Variants in MYEF2 observed in about 807,000 individuals in gnomAD.
MYEF2 encodes myelin gene expression factor 2.
In MYEF2, 37 loss-of-function variants were observed where a neutral mutation model predicts 75.2. The ratio of observed to expected loss-of-function variants is 0.49; its 90% CI spans 0.38 to 0.65. The LOEUF (loss-of-function observed/expected upper bound fraction) is 0.65. Among genes scored for constraint, MYEF2 ranks in the 30% least tolerant of loss-of-function variants. The pLI is 0.00. For synonymous variants in MYEF2, 195 were observed against 241.6 expected (o/e 0.81, Z 1.79); for missense variants, 634 against 771.4 (o/e 0.82, Z 2.11).
chr15:48,140,721 T>G lies in MYEF2; in HGVS notation c.*2187A>C, dbSNP rs925094391. 4 of 180,716 alleles carry G rather than the reference T, an allele frequency of 2.2e-5. No individual in the cohort carries two copies. Among genetic ancestry groups the G allele is most frequent in the African/African-American group, 9.6e-5 (4 of 41,740 alleles). The allele number at this position is 180,716 out of a possible 1,614,324, so 11.2% of individuals were successfully genotyped here. A position where few individuals can be genotyped will look rare whatever the true frequency, so the allele number is the denominator to read the frequency against. ...ATTTATAGCTTAAAGATAGCTATAA[T>G]TAATTTGCTTAACTCTGACTAATAT... is the stretch of plus-strand genomic sequence containing the variant. On this transcript the variant is annotated 3_prime_UTR_variant, in exon 17 of 17. Transcript: ENST00000324324.
chr15:48,162,064 C>T lies in MYEF2; in HGVS notation c.526-2260G>A, dbSNP rs148439320. Reference sequence around the variant, plus strand: ...TTTTCTCTGCTAATTCTATACATTCCTGTTAATAACTTTTTTAATAATAAA... The same window carrying T: ...TTTTCTCTGCTAATTCTATACATTCTTGTTAATAACTTTTTTAATAATAAA... On this transcript the variant is annotated intron_variant, in intron 5 of 16. Transcript: ENST00000324324. 2.4e-3 allele frequency among the ~76,000 whole-genome samples: 358 copies of T among 151,708 alleles called. 2 individuals carry two copies. The highest frequency in any genetic ancestry group is 3.9e-3 in the Non-Finnish European group (265 of 67,894).
At chr15:48,144,864 T>G (rs2039221077) in intron 16 of MYEF2, among the ~76,000 whole-genome samples, 4 of 151,844 alleles carry the variant, frequency 2.6e-5, no homozygotes, top group African/African-American at 7.2e-5. Flanking sequence ...TTATCTTAAT[T>G]TTACCTAAAA....
At position 48,153,880 on chromosome 15, in the gene MYEF2, G is replaced by A. The variant is rs1270397776; in HGVS notation, c.999C>T (p.Gly333=). The A allele has an allele frequency of 6.2e-7, 1 of 1,612,654 alleles. No individual in the cohort carries two copies. Among genetic ancestry groups the A allele is most frequent in the Non-Finnish European group, 8.5e-7 (1 of 1,179,270 alleles). Residue 333 remains glycine (G), a synonymous_variant, in exon 10 of 17, where the codon GGC becomes GGT. Coordinates refer to ENST00000324324, the MANE Select transcript of MYEF2 (RefSeq NM_016132.5). ...KTPQLPRGLG[G]IGMGLGPGGQ... ...CACCCGGACCAAGTCCCATCCCAATGCCTCCAAGACCACCTAAAACAAAAA... is the reference window on the plus strand; with the variant it reads ...CACCCGGACCAAGTCCCATCCCAATACCTCCAAGACCACCTAAAACAAAAA...
Position 48,149,222 on chromosome 15 carries a change from T to A in MYEF2, c.1528A>T (p.Met510Leu), listed in dbSNP as rs758505894. The A allele has an allele frequency of 4.3e-6, 7 of 1,613,384 alleles. No homozygotes were observed. The highest frequency in any genetic ancestry group is 2.7e-5 in the African/African-American group (2 of 74,870). ...DMDRGFLSGP[M>L]GSGMRERIGS... is the part of the protein sequence containing the mutation. ...ATTCTCTCTCTCATTCCGCTTCCCA[T>A]TGGACCCGATAAAAATCCTCGATCC... is the stretch of plus-strand genomic sequence containing the variant. The change falls in exon 15 of 17, where the codon ATG becomes TTG. Residue 510 changes from methionine to leucine, a missense_variant. Coordinates refer to ENST00000324324, the MANE Select transcript of MYEF2 (RefSeq NM_016132.5). This position sits in a 1 kb window ranked among gnomAD's most constrained non-coding sequence, Gnocchi z 4.0.
chr15:48,145,323 GATAA>G (rs1337312959), intron 16 of MYEF2, among the ~76,000 whole-genome samples: 4 of 151,748 alleles, frequency 2.6e-5, no homozygotes, highest in Non-Finnish European at 5.9e-5. Context: ...CTTTTCTAAA[GATAA>G]ATAATTGAGG....
At chr15:48,178,027 A>G (rs1221904414) in intron 1 of MYEF2, 50 bp downstream of exon 1, 14 of 1,550,030 alleles carry the variant, frequency 9.0e-6, no homozygotes, top group East Asian at 2.5e-5. Flanking sequence ...GCCGCCCGGT[A>G]GACTCCCCGC....
chr15:48,168,877 A>G, intron 1 of MYEF2, 38 bp from the exon 2 acceptor site: 1 of 1,465,216 alleles, frequency 6.8e-7, no homozygotes, highest in Non-Finnish European at 9.4e-7. Context: ...AAAAACCCTC[A>G]GTTGTGCTTA....
chr15:48,158,357 C>T, intron 7 of MYEF2, 133 bp from the exon 8 acceptor site: 2 of 746,168 alleles, frequency 2.7e-6, no homozygotes, highest in South Asian at 2.0e-5. Flanking sequence ...TTGATATTAG[C>T]CACTTTCATA....
intron 5 of MYEF2, 141 bp from the exon 6 acceptor site, chr15:48,159,945 C>T (rs943458872): frequency 1.2e-6 from 1 of 830,826 alleles, no homozygotes; most frequent in Admixed American, 3.4e-5. Context: ...TTTTCTCATC[C>T]AGAGAATTGA....
chr15:48,134,818 A>G lies in MYEF2; in HGVS notation c.*8090T>C. 4 of 1,204,994 alleles carry G rather than the reference A, an allele frequency of 3.3e-6. No individual in the cohort carries two copies. The South Asian group carries it at 4.1e-5, about 12-fold the overall frequency. 74.6% of individuals were successfully genotyped at this position (1,204,994 alleles called of 1,614,324 possible). ...CTACAAATATATAAACAATTTTAGTATTATACTAAGGATTGTACTTGAAGA... is the reference window on the plus strand; with the variant it reads ...CTACAAATATATAAACAATTTTAGTGTTATACTAAGGATTGTACTTGAAGA... On this transcript the variant is annotated 3_prime_UTR_variant, in exon 17 of 17. Transcript: ENST00000324324.
In MYEF2 at chr15:48,141,815, T is replaced by C. The variant is rs2039100041; in HGVS notation, c.*1093A>G. ...AGCTATATACCTTATTGAAAAATGGTTTAATAAATATAATTATTAAATAAA... is the reference window on the plus strand; with the variant it reads ...AGCTATATACCTTATTGAAAAATGGCTTAATAAATATAATTATTAAATAAA... On this transcript the variant is annotated 3_prime_UTR_variant, in exon 17 of 17. Coordinates refer to ENST00000324324, the MANE Select transcript of MYEF2 (RefSeq NM_016132.5). 3.0e-6 allele frequency: 1 copy of C among 337,658 alleles called. No homozygotes were observed. Among genetic ancestry groups the C allele is most frequent in the Non-Finnish European group, 5.3e-6 (1 of 188,636 alleles). 20.9% of individuals were successfully genotyped at this position (337,658 alleles called of 1,614,324 possible).
chr15:48,174,280 T>G (rs1213403501), intron 1 of MYEF2, among the ~76,000 whole-genome samples: 2 of 151,758 alleles, frequency 1.3e-5, no homozygotes, highest in Admixed American at 1.3e-4. Flanking sequence ...AAACTAGATA[T>G]CCACATACAA....
rs2038873372 is a variant in MYEF2 at position 48,135,479 on chromosome 15, T to C, written c.*7429A>G. On this transcript the variant is annotated 3_prime_UTR_variant, in exon 17 of 17. Coordinates refer to ENST00000324324, the MANE Select transcript of MYEF2 (RefSeq NM_016132.5). ...TCTAAGAAATAACAATGCTTAGCTT[T>C]TCATATTAAAAATTGTTTGCTTTCC... 1 of 152,438 alleles carries C rather than the reference T, an allele frequency of 6.6e-6. No individual in the cohort carries two copies. Among genetic ancestry groups the C allele is most frequent in the Non-Finnish European group, 1.5e-5 (1 of 68,214 alleles). 9.4% of individuals were successfully genotyped at this position (152,438 alleles called of 1,614,324 possible).
Position 48,158,211 on chromosome 15 carries a change from C to T in MYEF2, c.885G>A (p.Gly295=), listed in dbSNP as rs766005730. 6.2e-6 allele frequency: 10 copies of T among 1,612,716 alleles called. No individual in the cohort carries two copies. Among genetic ancestry groups the T allele is most frequent in the Non-Finnish European group, 7.6e-6 (9 of 1,179,286 alleles). ...EAVQAISMFN[G]QFLFDRPMHV... The stretch of plus-strand genomic sequence containing the variant: ...GCATAGGTCTATCAAATAAAAACTG[C>T]CCATTGAACATAGCTGTTGGTTCAG... The change falls in exon 8 of 17, where the codon GGG becomes GGA. Residue 295 remains glycine (G), a synonymous_variant. Coordinates refer to ENST00000324324, the MANE Select transcript of MYEF2 (RefSeq NM_016132.5).
In MYEF2 at chr15:48,153,821, C is replaced by A. The variant is rs778644395; in HGVS notation, c.1058G>T (p.Gly353Val). The A allele has an allele frequency of 1.2e-6, 2 of 1,613,412 alleles. No homozygotes were observed. Among genetic ancestry groups the A allele is most frequent in the East Asian group, 4.5e-5 (2 of 44,866 alleles). Reference sequence around the variant, plus strand: ...TGGACCTAAATTTCCCATTACTCCACCTATGTTCAACTGGCTGGCACTAAT... The same window carrying A: ...TGGACCTAAATTTCCCATTACTCCAACTATGTTCAACTGGCTGGCACTAAT... ...QPISASQLNI[G>V]GVMGNLGPGG... Residue 353 changes from glycine to valine, a missense_variant, in exon 10 of 17, where the codon GGT (glycine) becomes GTT (valine). Transcript: ENST00000324324.
rs1234936844 is a variant in MYEF2 at position 48,151,935 on chromosome 15, C to T, written c.1146G>A (p.Gly382=). ...GGMNRIGGGI[G]FGGLEAMNSM... The stretch of plus-strand genomic sequence containing the variant: ...TATTCATTGCTTCCAGACCACCAAA[C>T]CCTATTCCTATGGAATAAAGATTAA... The change falls in exon 12 of 17, where the codon GGG becomes GGA. Residue 382 remains glycine (G), a synonymous_variant. Coordinates refer to ENST00000324324, the MANE Select transcript of MYEF2 (RefSeq NM_016132.5). 1.2e-6 allele frequency: 2 copies of T among 1,613,464 alleles called. No homozygotes were observed. The highest frequency in any genetic ancestry group is 1.3e-5 in the African/African-American group (1 of 74,998).
At chr15:48,153,696 G>C in intron 10 of MYEF2, 96 bp downstream of exon 10, 2 of 928,888 alleles carry the variant, frequency 2.2e-6, no homozygotes, top group Non-Finnish European at 3.3e-6. Context: ...CTATTAATTA[G>C]AGTCCTTTAA....
At chr15:48,177,443 G>A (rs1156508271) in intron 1 of MYEF2, among the ~76,000 whole-genome samples, 4 of 151,586 alleles carry the variant, frequency 2.6e-5, no homozygotes, top group Admixed American at 6.6e-5. Context: ...CAGTGGGAAG[G>A]GAAGCCACGC....
At chr15:48,173,017 A>C (rs1465282436) in intron 1 of MYEF2, among the ~76,000 whole-genome samples, 1 of 152,216 alleles carries the variant, frequency 6.6e-6, no homozygotes, top group Non-Finnish European at 1.5e-5. Context: ...GATTACCCTG[A>C]TAACAACGCA....
Sources: allele counts gnomAD v4.1 joint callset (sites outside exome capture counted in the v4.1 genomes callset), GRCh38; gene constraint gnomAD v4.1.1; non-coding constraint Gnocchi (gnomAD v3.1); transcripts MANE v1.5; gene names NCBI Gene and HGNC (gene_info 2026-07-23, HGNC 2026-07-21).